GSG1L: variants seen among roughly 807,000 people sequenced by gnomAD.
GSG1L encodes the protein GSG1 like.
In GSG1L, 24 loss-of-function variants were observed where a neutral mutation model predicts 42.1. That is an observed-to-expected ratio of 0.57 (90% CI 0.41 to 0.80). The LOEUF (loss-of-function observed/expected upper bound fraction) is 0.80. GSG1L is among the 30% of genes least tolerant of loss of function. The pLI is 0.00. For synonymous variants in GSG1L, 215 were observed against 203.5 expected, an observed-to-expected ratio of 1.06 and a Z score of -0.48; for missense variants, 445 against 472.2, an observed-to-expected ratio of 0.94 and a Z score of 0.53.
chr16:28,016,150 C>G (rs544936294), intron 1 of GSG1L, among the ~76,000 whole-genome samples: 1 of 152,220 alleles, frequency 6.6e-6, no homozygotes, highest in South Asian at 2.1e-4. Flanking sequence ...CCACCATGCC[C>G]GGCTAATTTT....
intron 2 of GSG1L, among the ~76,000 whole-genome samples, chr16:27,951,436 T>C (rs749596037): frequency 2.0e-5 from 3 of 152,160 alleles, no homozygotes; most frequent in Non-Finnish European, 4.4e-5. Flanking sequence ...TTCTGGGCCC[T>C]GGACCACCAG....
At chr16:27,932,345 GC>G (rs2084666322) in intron 2 of GSG1L, among the ~76,000 whole-genome samples, 1 of 152,138 alleles carries the variant, frequency 6.6e-6, no homozygotes, top group Admixed American at 6.5e-5. Flanking sequence ...GAGCCACTTA[GC>G]CTGGCCAGAA....
intron 2 of GSG1L, among the ~76,000 whole-genome samples, chr16:27,913,987 GT>G (rs200261477): frequency 0.086 from 12,443 of 144,972 alleles, 750 homozygotes; most frequent in East Asian, 0.17. Flanking sequence ...TTTCCTTCCA[GT>G]TTTTTTTTTT....
intron 4 of GSG1L, among the ~76,000 whole-genome samples, chr16:27,836,149 T>C (rs1399532184): frequency 1.3e-5 from 2 of 152,200 alleles, no homozygotes; most frequent in Non-Finnish European, 2.9e-5. Flanking sequence ...TTCAGCATTT[T>C]CATTTTCTTT....
chr16:28,020,494 A>T (rs1375765492), intron 1 of GSG1L, among the ~76,000 whole-genome samples: 1 of 152,100 alleles, frequency 6.6e-6, no homozygotes, highest in Non-Finnish European at 1.5e-5. Context: ...CTTTCCATGG[A>T]TTGATTCACT....
At chr16:27,973,797 G>C (rs137936659) in intron 1 of GSG1L, among the ~76,000 whole-genome samples, 1 of 152,144 alleles carries the variant, frequency 6.6e-6, no homozygotes, top group Non-Finnish European at 1.5e-5. Flanking sequence ...AGGGTAGGTC[G>C]GCAGGGCTTG....
chr16:27,960,118 C>T (rs1005426737), intron 2 of GSG1L, among the ~76,000 whole-genome samples: 4 of 152,008 alleles, frequency 2.6e-5, no homozygotes, highest in Admixed American at 1.3e-4. Flanking sequence ...ATCATGCCTG[C>T]GGTTTGCCAG....
At chr16:27,939,525 G>C (rs1312614379) in intron 2 of GSG1L, among the ~76,000 whole-genome samples, 1 of 152,156 alleles carries the variant, frequency 6.6e-6, no homozygotes, top group African/African-American at 2.4e-5. Context: ...ACATGTAACT[G>C]TTGCTGTATG....
At chr16:28,004,634 C>A (rs2085619553) in intron 1 of GSG1L, among the ~76,000 whole-genome samples, 1 of 151,746 alleles carries the variant, frequency 6.6e-6, no homozygotes, top group Non-Finnish European at 1.5e-5. Context: ...AAAAATTTAC[C>A]AAGCAAAGTG....
In GSG1L at chr16:27,979,661, A is replaced by AAGAAAGAAAGAAAGAAAGAAAGAG. The variant is rs368394279; in HGVS notation, c.350-16459_350-16458insCTCTTTCTTTCTTTCTTTCTTTCT. Among the ~76,000 whole-genome samples the AAGAAAGAAAGAAAGAAAGAAAGAG allele has an allele frequency of 1.2e-3, 84 of 67,710 alleles. 4 individuals are homozygous for AAGAAAGAAAGAAAGAAAGAAAGAG. Among genetic ancestry groups the AAGAAAGAAAGAAAGAAAGAAAGAG allele is most frequent in the Middle Eastern group, 7.9e-3 (1 of 126 alleles). 44.4% of individuals were successfully genotyped at this position (67,710 alleles called of 152,430 possible). A position where few individuals can be genotyped will look rare whatever the true frequency, so the allele number is the denominator to read the frequency against. On this transcript the variant is annotated intron_variant, in intron 1 of 6. Coordinates refer to ENST00000447459, the MANE Select transcript of GSG1L (RefSeq NM_001109763.2). Reference sequence around the variant, plus strand: ...GGGAGGGGAAAGAAAGAAAGAAAGAAAGAGAGAGAGAGAGAGAGAAAGAAA... The same window carrying AAGAAAGAAAGAAAGAAAGAAAGAG: ...GGGAGGGGAAAGAAAGAAAGAAAGAAAGAAAGAAAGAAAGAAAGAAAGAGAGAGAGAGAGAGAGAGAGAAAGAAA...
Position 28,059,705 on chromosome 16 carries a change from C to G in GSG1L, c.349+3371G>C, listed in dbSNP as rs2086319586. Among the ~76,000 whole-genome samples, 1 of 152,136 alleles carries G rather than the reference C, an allele frequency of 6.6e-6. No individual in the cohort carries two copies. Among genetic ancestry groups the G allele is most frequent in the South Asian group, 2.1e-4 (1 of 4,828 alleles). On this transcript the variant is annotated intron_variant, in intron 1 of 6. Coordinates refer to ENST00000447459, the MANE Select transcript of GSG1L (RefSeq NM_001109763.2). This position sits in a 1 kb window ranked among gnomAD's most constrained non-coding sequence, Gnocchi z 4.4. Reference sequence around the variant, plus strand: ...CTTGCTTCTGCTCCCCACCAAACCCCTCCCCAGCGTCTCAACCAGAAGAGA... The same window carrying G: ...CTTGCTTCTGCTCCCCACCAAACCCGTCCCCAGCGTCTCAACCAGAAGAGA...
chr16:27,984,822 A>G (rs1292818277), intron 1 of GSG1L, among the ~76,000 whole-genome samples: 1 of 152,028 alleles, frequency 6.6e-6, no homozygotes, highest in Non-Finnish European at 1.5e-5. Context: ...CAGTGGCACA[A>G]TCATGGCTTA....
chr16:27,963,343 C>G (rs942789908), intron 1 of GSG1L, 140 bp from the exon 2 acceptor site: 2 of 732,268 alleles, frequency 2.7e-6, no homozygotes, highest in Non-Finnish European at 4.8e-6. Context: ...AACCCTGGTT[C>G]CTAGAAGCCC....
intron 1 of GSG1L, among the ~76,000 whole-genome samples, chr16:28,031,818 G>A (rs1027045475): frequency 2.0e-5 from 3 of 152,322 alleles, no homozygotes; most frequent in Admixed American, 6.5e-5. Context: ...CTTTCTGAAT[G>A]TGCGTAGAGC....
At chr16:27,944,908 C>T (rs1751893545) in intron 2 of GSG1L, among the ~76,000 whole-genome samples, 1 of 151,688 alleles carries the variant, frequency 6.6e-6, no homozygotes, top group South Asian at 2.1e-4. Flanking sequence ...GACCTCATCT[C>T]TACAAAAAAT....
chr16:27,823,984 T>C, intron 5 of GSG1L: 1 of 701,964 alleles, frequency 1.4e-6, no homozygotes, highest in African/African-American at 1.7e-5. Context: ...GAGTCACATC[T>C]GAGGTATTTA....
chr16:27,832,777 A>G (rs1422404799), intron 4 of GSG1L, among the ~76,000 whole-genome samples: 2 of 152,152 alleles, frequency 1.3e-5, no homozygotes, highest in African/African-American at 4.8e-5. Context: ...CAAAATGTCT[A>G]TTGGTGTTTT....
chr16:27,803,793 A>ATATATATATATAAT, intron 6 of GSG1L, among the ~76,000 whole-genome samples: 1 of 56,090 alleles, frequency 1.8e-5, no homozygotes, highest in African/African-American at 7.4e-5. Flanking sequence ...ATATATATAT[A>ATATATATATATAAT]TAGATAGATA....
chr16:28,026,711 G>A lies in GSG1L; in HGVS notation c.349+36365C>T, dbSNP rs148170919. On this transcript the variant is annotated intron_variant, in intron 1 of 6. Coordinates refer to ENST00000447459, the MANE Select transcript of GSG1L (RefSeq NM_001109763.2). ...CATCCTCGTGACAGGGCAGAGCCTC[G>A]CTGTGCTCAGATACTGCGTGTGTCC... 1.6e-3 allele frequency among the ~76,000 whole-genome samples: 243 copies of A among 152,280 alleles called. 2 individuals are homozygous for A. Among genetic ancestry groups the A allele is most frequent in the African/African-American group, 4.8e-3 (198 of 41,548 alleles).
Sources: allele counts gnomAD v4.1 joint callset (sites outside exome capture counted in the v4.1 genomes callset), GRCh38; gene constraint gnomAD v4.1.1; non-coding constraint Gnocchi (gnomAD v3.1); transcripts MANE v1.5; gene names NCBI Gene and HGNC (gene_info 2026-07-23, HGNC 2026-07-21).